The following DPP10 variants were observed in gnomAD, a reference collection of about 807,000 sequenced individuals.
The protein encoded by DPP10 is inactive dipeptidyl peptidase 10.
Under a neutral mutation model 120.9 loss-of-function variants are expected in DPP10, and 33 were observed. The ratio of observed to expected loss-of-function variants is 0.27; its 90% CI spans 0.21 to 0.37. The LOEUF is 0.37. Ranked by LOEUF, DPP10 falls within the 10% of genes least tolerant of loss-of-function variation. The probability of loss-of-function intolerance (pLI) is 1.00; values close to 1 mark genes in which losing one functional copy is unlikely to be tolerated. For missense variants in DPP10, 816 were observed against 942.8 expected, an observed-to-expected ratio of 0.87 and a Z score of 1.76; for synonymous variants, 337 against 326.1, an observed-to-expected ratio of 1.03 and a Z score of -0.36.
At chr2:115,219,968 T>A (rs2057050657) in intron 1 of DPP10, among the ~76,000 whole-genome samples, 1 of 152,196 alleles carries the variant, frequency 6.6e-6, no homozygotes, top group African/African-American at 2.4e-5. Flanking sequence ...CCCAACTACA[T>A]GCTGTGGTAG....
chr2:114,692,504 T>G (rs560525193), intron 1 of DPP10, among the ~76,000 whole-genome samples: 1 of 152,214 alleles, frequency 6.6e-6, no homozygotes, highest in African/African-American at 2.4e-5. Context: ...TACTTCTGAT[T>G]ATGTGATCAA....
chr2:115,198,497 C>G (rs948106907), intron 1 of DPP10, among the ~76,000 whole-genome samples: 20 of 152,186 alleles, frequency 1.3e-4, no homozygotes, highest in Admixed American at 1.2e-3. Context: ...CCAGATTCCT[C>G]CAGTTCAGAC....
At chr2:115,000,099 T>C (rs1701343009) in intron 1 of DPP10, among the ~76,000 whole-genome samples, 1 of 152,090 alleles carries the variant, frequency 6.6e-6, no homozygotes, top group Admixed American at 6.6e-5. Flanking sequence ...TTATATTTAA[T>C]CTGGTATATT....
intron 9 of DPP10, among the ~76,000 whole-genome samples, chr2:115,740,970 A>G (rs992199513): frequency 6.6e-6 from 1 of 152,086 alleles, no homozygotes. Context: ...TTCAAGCACA[A>G]TAGGTTTTCT....
chr2:115,166,395 A>T (rs905804324), intron 1 of DPP10, among the ~76,000 whole-genome samples: 9 of 150,458 alleles, frequency 6.0e-5, no homozygotes, highest in African/African-American at 2.2e-4. Flanking sequence ...TGGTTATAAA[A>T]GATAATATAC....
chr2:115,842,143 A>G lies in DPP10; in HGVS notation c.2257-68A>G, dbSNP rs1420775632. 6.8e-6 allele frequency: 10 copies of G among 1,470,554 alleles called. No individual in the cohort carries two copies. In the Admixed American group the frequency reaches 1.8e-4, roughly 27 times the overall value. 91.1% of individuals were successfully genotyped at this position (1,470,554 alleles called of 1,614,324 possible). A position where few individuals can be genotyped will look rare whatever the true frequency, so the allele number is the denominator to read the frequency against. On this transcript the variant is annotated intron_variant, in intron 25 of 25. Coordinates refer to ENST00000410059, the MANE Select transcript of DPP10 (RefSeq NM_020868.6). ...CAAAGTTTCCATGACGTTAGGGCTCAGAAAATGAATGCGAGAGACAATAGC... is the reference window on the plus strand; with the variant it reads ...CAAAGTTTCCATGACGTTAGGGCTCGGAAAATGAATGCGAGAGACAATAGC...
chr2:115,477,857 A>G (rs956854184), intron 3 of DPP10, among the ~76,000 whole-genome samples: 1 of 152,180 alleles, frequency 6.6e-6, no homozygotes, highest in Admixed American at 6.5e-5. Context: ...GTAATTTATA[A>G]GGAAAATGGG....
At chr2:114,830,574 A>G (rs1473242426) in intron 1 of DPP10, among the ~76,000 whole-genome samples, 1 of 152,216 alleles carries the variant, frequency 6.6e-6, no homozygotes, top group African/African-American at 2.4e-5. Flanking sequence ...TACACCCAGC[A>G]CACATATTGC....
intron 1 of DPP10, among the ~76,000 whole-genome samples, chr2:115,246,023 T>C (rs901158656): frequency 6.6e-6 from 1 of 152,092 alleles, no homozygotes; most frequent in African/African-American, 2.4e-5. Context: ...ATGTCAGAAA[T>C]ATCCGGATAC....
intron 3 of DPP10, among the ~76,000 whole-genome samples, chr2:115,492,715 A>C (rs1225014703): frequency 3.3e-5 from 5 of 152,172 alleles, no homozygotes; most frequent in Non-Finnish European, 5.9e-5. Flanking sequence ...GTTGGTATAG[A>C]TCGTTTCAAT....
intron 1 of DPP10, among the ~76,000 whole-genome samples, chr2:115,103,566 T>C (rs747781230): frequency 2.0e-5 from 3 of 152,178 alleles, no homozygotes; most frequent in Middle Eastern, 3.2e-3. Flanking sequence ...CAGAGTTAAC[T>C]TGGATATCAC....
At chr2:114,577,638 G>T (rs1188057693) in intron 1 of DPP10, among the ~76,000 whole-genome samples, 1 of 152,078 alleles carries the variant, frequency 6.6e-6, no homozygotes, top group African/African-American at 2.4e-5. Flanking sequence ...TACTAGAGTT[G>T]CTGTAAACCA....
chr2:114,829,163 A>C (rs1242833502), intron 1 of DPP10, among the ~76,000 whole-genome samples: 1 of 151,734 alleles, frequency 6.6e-6, no homozygotes, highest in Non-Finnish European at 1.5e-5. Context: ...GTAGCAGGCA[A>C]CTGTAATCTC....
At chr2:115,072,932 A>G (rs1707488093) in intron 1 of DPP10, among the ~76,000 whole-genome samples, 1 of 151,990 alleles carries the variant, frequency 6.6e-6, no homozygotes, top group Admixed American at 6.5e-5. Flanking sequence ...ACAGGTGCCC[A>G]CCACCATACC....
intron 1 of DPP10, among the ~76,000 whole-genome samples, chr2:114,523,413 G>C (rs1685237928): frequency 6.6e-6 from 1 of 152,194 alleles, no homozygotes; most frequent in Non-Finnish European, 1.5e-5. Flanking sequence ...CAGCAGCAGG[G>C]GTCTGGGTGC....
intron 5 of DPP10, among the ~76,000 whole-genome samples, chr2:115,628,495 T>C (rs1490669926): frequency 6.6e-6 from 1 of 152,216 alleles, no homozygotes; most frequent in East Asian, 1.9e-4. Context: ...ATAGTCTCTT[T>C]TGCTGTGCAG....
At chr2:114,565,734 C>G (rs1453336519) in intron 1 of DPP10, among the ~76,000 whole-genome samples, 4 of 152,196 alleles carry the variant, frequency 2.6e-5, no homozygotes, top group African/African-American at 7.2e-5. Flanking sequence ...GACCTGCCAC[C>G]TATAAACTAC....
chr2:114,580,508 T>G (rs530546689), intron 1 of DPP10, among the ~76,000 whole-genome samples: 56 of 152,268 alleles, frequency 3.7e-4, no homozygotes, highest in African/African-American at 1.3e-3. Flanking sequence ...CTTTGTGAGT[T>G]TTATAGAATG....
At chr2:114,962,591 A>T (rs1379151776) in intron 1 of DPP10, among the ~76,000 whole-genome samples, 1 of 152,234 alleles carries the variant, frequency 6.6e-6, no homozygotes, top group South Asian at 2.1e-4. Context: ...GCCACACATC[A>T]TCTTTGATAA....
Sources: allele counts gnomAD v4.1 joint callset (sites outside exome capture counted in the v4.1 genomes callset), GRCh38; gene constraint gnomAD v4.1.1; transcripts MANE v1.5; gene names NCBI Gene and HGNC (gene_info 2026-07-23, HGNC 2026-07-21).